Variants in RPS6KA2 observed in about 807,000 individuals in gnomAD.
RPS6KA2 encodes ribosomal protein S6 kinase A2.
A neutral mutation model predicts 91.8 loss-of-function variants in RPS6KA2; 42 were observed. The ratio of observed to expected loss-of-function variants is 0.46; its 90% CI spans 0.36 to 0.59. The LOEUF (loss-of-function observed/expected upper bound fraction) is 0.59, where lower values mean the gene tolerates loss of function less well. RPS6KA2 is among the 20% of genes least tolerant of loss of function. The pLI is 0.00. For missense variants in RPS6KA2, 798 were observed against 978.5 expected (o/e 0.82, Z 2.46); for synonymous variants, 414 against 393.6 (o/e 1.05, Z -0.61).
rs1443841453 is a variant in RPS6KA2, at chr6:166,495,636, C to A, written c.747+2872G>T. Among the ~76,000 whole-genome samples the A allele has an allele frequency of 6.6e-6, 1 of 152,202 alleles. No homozygotes were observed. The highest frequency in any genetic ancestry group is 1.5e-5 in the Non-Finnish European group (1 of 68,034). Reference sequence around the variant, plus strand: ...CCTCATGGGTCCCTTGGAGGCCTGGCCAGGTGCAGGCACTTTTGTCTGTGC... The same window carrying A: ...CCTCATGGGTCCCTTGGAGGCCTGGACAGGTGCAGGCACTTTTGTCTGTGC... On this transcript the variant is annotated intron_variant, in intron 8 of 20. Transcript: ENST00000265678. This position sits in a 1 kb window ranked among gnomAD's most constrained non-coding sequence, Gnocchi z 4.4.
chr6:166,565,023 T>C (rs1784453236), intron 1 of RPS6KA2, among the ~76,000 whole-genome samples: 1 of 152,172 alleles, frequency 6.6e-6, no homozygotes, highest in Non-Finnish European at 1.5e-5. Flanking sequence ...ATTCAGAGTC[T>C]ACAGCCAGGA....
At chr6:166,564,803 G>A (rs544629768) in intron 1 of RPS6KA2, among the ~76,000 whole-genome samples, 18 of 152,288 alleles carry the variant, frequency 1.2e-4, no homozygotes, top group African/African-American at 2.6e-4. Context: ...GGGCTGCAGC[G>A]TGTCCCTGCG....
At chr6:166,580,213 G>A (rs1038597499) in intron 1 of RPS6KA2, among the ~76,000 whole-genome samples, 1 of 152,196 alleles carries the variant, frequency 6.6e-6, no homozygotes, top group African/African-American at 2.4e-5. Context: ...GAGAGGAAAG[G>A]GCCCAAGTGA....
At chr6:166,428,872 G>A (rs1646055529) in intron 16 of RPS6KA2, among the ~76,000 whole-genome samples, 1 of 150,834 alleles carries the variant, frequency 6.6e-6, no homozygotes, top group South Asian at 2.1e-4. Flanking sequence ...GTGGAAGTCA[G>A]TGTGGCGATT....
intron 1 of RPS6KA2, among the ~76,000 whole-genome samples, chr6:166,613,324 T>G (rs1786258557): frequency 6.6e-6 from 1 of 152,232 alleles, no homozygotes; most frequent in South Asian, 2.1e-4. Context: ...TCTTTAAGAC[T>G]TCAGTGAAGC....
At position 166,849,973 on chromosome 6, in the gene RPS6KA2, C is replaced by T. The variant is rs1370658601; in HGVS notation, c.123+8227G>A. ...AGACTCCGGGTTCAGGAACGAGGGG[C>T]ACTCACGCATGGCTCTGCTATGCCC... On this transcript the variant is annotated intron_variant, in intron 2 of 21. Coordinates refer to the RPS6KA2 transcript ENST00000503859. This position sits in a 1 kb window ranked among gnomAD's most constrained non-coding sequence, Gnocchi z 4.9. 6.6e-6 allele frequency among the ~76,000 whole-genome samples: 1 copy of T among 152,110 alleles called. No homozygotes were observed.
chr6:166,862,191 C>T, exon 1 of RPS6KA2: 1 of 1,614,040 alleles, frequency 6.2e-7, no homozygotes, highest in Non-Finnish European at 8.5e-7. Context: ...TCCTTTTCTG[C>T]TGGTCGAGTA....
intron 16 of RPS6KA2, among the ~76,000 whole-genome samples, chr6:166,429,753 A>T (rs59373594): frequency 0.093 from 14,118 of 152,022 alleles, 2,086 homozygotes; most frequent in African/African-American, 0.31. Flanking sequence ...ATCCAGCAAA[A>T]TTATTGTTCT....
At chr6:166,616,510 G>A (rs769106861) in intron 1 of RPS6KA2, among the ~76,000 whole-genome samples, 2 of 152,212 alleles carry the variant, frequency 1.3e-5, no homozygotes, top group South Asian at 2.1e-4. Context: ...GTACAGTTGC[G>A]GACAGCTCCG....
chr6:166,839,689 AGAGGG>A (rs1554262087), intron 2 of RPS6KA2, among the ~76,000 whole-genome samples: 8 of 6,784 alleles, frequency 1.2e-3, no homozygotes, highest in African/African-American at 2.4e-3. Context: ...GCAGGAGAGG[AGAGGG>A]GAGGAGAGGA....
At chr6:166,748,144 C>T (rs553540718) in intron 2 of RPS6KA2, among the ~76,000 whole-genome samples, 8 of 152,200 alleles carry the variant, frequency 5.3e-5, no homozygotes, top group African/African-American at 7.2e-5. Flanking sequence ...TAGAACCATG[C>T]GAAGAGATTA....
chr6:166,615,708 G>T (rs1786383400), intron 1 of RPS6KA2, among the ~76,000 whole-genome samples: 1 of 152,118 alleles, frequency 6.6e-6, no homozygotes, highest in Admixed American at 6.5e-5. Flanking sequence ...ATGGTCTCCG[G>T]GACCTCTCTC....
At chr6:166,793,541 G>C (rs1044835271) in intron 2 of RPS6KA2, among the ~76,000 whole-genome samples, 4 of 147,920 alleles carry the variant, frequency 2.7e-5, no homozygotes, top group African/African-American at 7.6e-5. Context: ...AGCCCGCATC[G>C]CCAAGTCAAT....
At chr6:166,833,833 G>T (rs760903817) in intron 2 of RPS6KA2, among the ~76,000 whole-genome samples, 33 of 152,210 alleles carry the variant, frequency 2.2e-4, no homozygotes, top group Non-Finnish European at 3.5e-4. Flanking sequence ...TCCACATTCA[G>T]GCATTTTCAT....
chr6:166,729,359 T>G (rs1035799106), intron 2 of RPS6KA2, among the ~76,000 whole-genome samples: 3 of 152,232 alleles, frequency 2.0e-5, no homozygotes, highest in Non-Finnish European at 2.9e-5. Context: ...TCTTTCTCTT[T>G]CTGTGTGTGA....
chr6:166,851,107 G>A (rs1780728634), intron 2 of RPS6KA2, among the ~76,000 whole-genome samples: 1 of 152,166 alleles, frequency 6.6e-6, no homozygotes, highest in South Asian at 2.1e-4. Context: ...TGAAAAATGG[G>A]GGAAAACTAA....
intron 11 of RPS6KA2, among the ~76,000 whole-genome samples, chr6:166,469,332 T>TTTTG (rs975555210): frequency 1.3e-5 from 2 of 151,548 alleles, no homozygotes; most frequent in Admixed American, 6.6e-5. Flanking sequence ...TGTTGTTTTT[T>TTTTG]TTTTTTTTTT....
intron 16 of RPS6KA2, among the ~76,000 whole-genome samples, chr6:166,424,842 G>A (rs1778852052): frequency 6.6e-6 from 1 of 152,156 alleles, no homozygotes; most frequent in Non-Finnish European, 1.5e-5. Flanking sequence ...TTTGATTAAG[G>A]CCAAAGTATT....
At chr6:166,827,605 G>A (rs908713140) in intron 2 of RPS6KA2, among the ~76,000 whole-genome samples, 1 of 152,196 alleles carries the variant, frequency 6.6e-6, no homozygotes, top group Non-Finnish European at 1.5e-5. Flanking sequence ...ACACAGCATG[G>A]AGAACACGGT....
Sources: gnomAD v4.1 joint callset for allele counts (sites outside exome capture counted in the v4.1 genomes callset) on GRCh38, gnomAD v4.1.1 for gene constraint, Gnocchi (gnomAD v3.1) non-coding constraint, MANE v1.5 for transcripts, NCBI Gene and HGNC (gene_info 2026-07-23, HGNC 2026-07-21) for gene names.